SPTLC3: variants seen among roughly 807,000 people sequenced by gnomAD.
SPTLC3 encodes serine palmitoyltransferase long chain base subunit 3, also known as serine palmitoyltransferase 3.
SPTLC3 carries 36 observed loss-of-function variants against 59.3 expected under a neutral mutation model. The observed-to-expected ratio is 0.61, with a 90% CI of 0.47 to 0.80. SPTLC3 has a LOEUF of 0.80. SPTLC3 is among the 30% of genes least tolerant of loss of function. SPTLC3 has a pLI of 0.00. For synonymous variants in SPTLC3, 257 were observed against 240.8 expected, an observed-to-expected ratio of 1.07 and a Z score of -0.62; for missense variants, 625 against 685.1, an observed-to-expected ratio of 0.91 and a Z score of 0.98.
chr20:13,030,408 G>A (rs1188629679), intron 1 of SPTLC3, among the ~76,000 whole-genome samples: 1 of 152,134 alleles, frequency 6.6e-6, no homozygotes, highest in African/African-American at 2.4e-5. Context: ...ACTGAATACG[G>A]GGGCTCCCTG....
In SPTLC3 at chr20:13,126,653, A is replaced by T; in HGVS notation, c.1215A>T (p.Pro405=). Residue 405 remains proline (P), a synonymous_variant, in exon 9 of 12, where the codon CCA becomes CCT. Coordinates refer to ENST00000399002, the MANE Select transcript of SPTLC3 (RefSeq NM_018327.4). ...HSAVYASSMS[P]PIAEQIIRSL... ...CTGTTTATGCTTCATCCATGAGCCC[A>T]CCGATAGCAGAGCAAATCATCAGAT... 1 of 1,614,090 alleles carries T rather than the reference A, an allele frequency of 6.2e-7. No homozygotes were observed.
intron 1 of SPTLC3, among the ~76,000 whole-genome samples, chr20:13,012,950 G>A (rs4814180): frequency 1.3e-5 from 2 of 152,154 alleles, no homozygotes; most frequent in Admixed American, 1.3e-4. Flanking sequence ...ATGAGGAAAA[G>A]ACAGGAAAGG....
At chr20:13,088,911 G>C (rs1390813521) in intron 4 of SPTLC3, among the ~76,000 whole-genome samples, 1 of 151,716 alleles carries the variant, frequency 6.6e-6, no homozygotes, top group African/African-American at 2.4e-5. Context: ...GATTACAGGC[G>C]TGGGCCACGC....
At chr20:13,087,114 C>T (rs1989030533) in intron 4 of SPTLC3, among the ~76,000 whole-genome samples, 1 of 152,110 alleles carries the variant, frequency 6.6e-6, no homozygotes, top group South Asian at 2.1e-4. Flanking sequence ...GTCTTTAAGC[C>T]AGGTCTAATG....
At chr20:13,089,667 T>C (rs1434592969) in intron 4 of SPTLC3, among the ~76,000 whole-genome samples, 1 of 151,788 alleles carries the variant, frequency 6.6e-6, no homozygotes, top group African/African-American at 2.4e-5. Flanking sequence ...GCACCTGCAG[T>C]CCCAGCTACT....
chr20:13,066,887 T>G (rs1988233110), intron 2 of SPTLC3, among the ~76,000 whole-genome samples: 1 of 148,976 alleles, frequency 6.7e-6, no homozygotes, highest in Non-Finnish European at 1.5e-5. Flanking sequence ...TCCCTTTATA[T>G]TTTCTTTATC....
At chr20:13,089,040 T>G (rs1469428679) in intron 4 of SPTLC3, among the ~76,000 whole-genome samples, 1 of 152,202 alleles carries the variant, frequency 6.6e-6, no homozygotes, top group Non-Finnish European at 1.5e-5. Flanking sequence ...GATCACCAAG[T>G]GCCTCTTCAA....
chr20:13,015,874 T>C (rs1209703695), intron 1 of SPTLC3, among the ~76,000 whole-genome samples: 1 of 152,072 alleles, frequency 6.6e-6, no homozygotes, highest in African/African-American at 2.4e-5. Flanking sequence ...GAAAAGTCTT[T>C]ATAACTATGA....
intron 2 of SPTLC3, among the ~76,000 whole-genome samples, chr20:13,055,466 G>A (rs967918600): frequency 6.6e-6 from 1 of 151,954 alleles, no homozygotes; most frequent in African/African-American, 2.4e-5. Flanking sequence ...TGCTCCCCAG[G>A]TACAAGTAAC....
At chr20:13,068,854 A>T (rs553727492) in intron 2 of SPTLC3, among the ~76,000 whole-genome samples, 7 of 152,286 alleles carry the variant, frequency 4.6e-5, no homozygotes, top group Admixed American at 4.6e-4. Context: ...ATTATTCCCT[A>T]GAAGGAAGTC....
chr20:13,021,000 C>T (rs1481225050), intron 1 of SPTLC3, among the ~76,000 whole-genome samples: 5 of 152,154 alleles, frequency 3.3e-5, no homozygotes, highest in East Asian at 1.9e-4. Context: ...CTAATCAGTA[C>T]GATGCCCAGC....
intron 2 of SPTLC3, among the ~76,000 whole-genome samples, chr20:13,071,383 C>G (rs1421489675): frequency 1.3e-5 from 2 of 152,158 alleles, no homozygotes; most frequent in African/African-American, 4.8e-5. Context: ...ATGTTAGCAT[C>G]ATTCTTTAAC....
At chr20:13,074,172 G>A (rs920953949) in intron 3 of SPTLC3, 177 bp from the exon 4 acceptor site, 35 of 855,304 alleles carry the variant, frequency 4.1e-5, no homozygotes, top group Non-Finnish European at 6.2e-5. Context: ...CAACCTCTAG[G>A]ACAGACTGAA....
intron 5 of SPTLC3, among the ~76,000 whole-genome samples, chr20:13,093,199 T>C (rs978853803): frequency 1.3e-5 from 2 of 152,218 alleles, no homozygotes; most frequent in African/African-American, 4.8e-5. Flanking sequence ...CACTTTAGGC[T>C]CTACCTGGTG....
chr20:13,050,012 T>G (rs1987412754), intron 2 of SPTLC3: 1 of 152,090 alleles, frequency 6.6e-6, no homozygotes. Flanking sequence ...CTTGGTAATA[T>G]GACAAAACAA....
At chr20:13,059,564 T>C (rs6109676) in intron 2 of SPTLC3, among the ~76,000 whole-genome samples, 54,465 of 152,034 alleles carry the variant, frequency 0.36, 10,563 homozygotes, top group African/African-American at 0.52. Flanking sequence ...AAGATGGTCT[T>C]AGCCCATCTG....
intron 10 of SPTLC3, among the ~76,000 whole-genome samples, chr20:13,155,396 A>T (rs6074564): frequency 0.12 from 17,616 of 152,184 alleles, 1,117 homozygotes; most frequent in East Asian, 0.2. Flanking sequence ...AAGTATTGAA[A>T]AGTACCAATA....
intron 2 of SPTLC3, among the ~76,000 whole-genome samples, chr20:13,053,301 G>A (rs572937439): frequency 6.6e-6 from 1 of 152,270 alleles, no homozygotes; most frequent in African/African-American, 2.4e-5. Flanking sequence ...CAGCAGAGGG[G>A]CCTGACTGTT....
chr20:13,144,177 T>C (rs547114567), intron 9 of SPTLC3, among the ~76,000 whole-genome samples: 3 of 152,322 alleles, frequency 2.0e-5, no homozygotes, highest in Admixed American at 1.3e-4. Context: ...CCCAAACTTG[T>C]GTCCACAAGA....
Sources: gnomAD v4.1 joint callset for allele counts (sites outside exome capture counted in the v4.1 genomes callset) on GRCh38, gnomAD v4.1.1 for gene constraint, MANE v1.5 for transcripts, NCBI Gene and HGNC (gene_info 2026-07-23, HGNC 2026-07-21) for gene names.